Variants in BICC1 observed in about 807,000 individuals in gnomAD.
BICC1 encodes the protein BicC family RNA binding protein 1, also known as protein bicaudal C homolog 1.
BICC1 carries 43 observed loss-of-function variants against 111.0 expected under a neutral mutation model. That is an observed-to-expected ratio of 0.39 (90% CI 0.30 to 0.50). The LOEUF (loss-of-function observed/expected upper bound fraction) is 0.50, where lower values mean the gene tolerates loss of function less well. Ranked by LOEUF, BICC1 falls within the 20% of genes least tolerant of loss-of-function variation. The pLI, the probability that BICC1 is intolerant of heterozygous loss-of-function variation, is 0.88. For missense variants in BICC1, 1,091 were observed against 1,203.2 expected (o/e 0.91, Z 1.38); for synonymous variants, 467 against 434.4 (o/e 1.07, Z -0.93).
chr10:58,710,375 A>G (rs1288305934), intron 3 of BICC1, among the ~76,000 whole-genome samples: 5 of 152,144 alleles, frequency 3.3e-5, no homozygotes, highest in Admixed American at 6.5e-5. Flanking sequence ...TTCAGCAACC[A>G]TTGCCAAGAT....
intron 3 of BICC1, among the ~76,000 whole-genome samples, chr10:58,743,313 A>C (rs1203856933): frequency 6.6e-6 from 1 of 152,084 alleles, no homozygotes; most frequent in Non-Finnish European, 1.5e-5. Context: ...TCTCATCAAT[A>C]CCAGTCTGGC....
chr10:58,528,530 C>G (rs528482107), intron 1 of BICC1, among the ~76,000 whole-genome samples: 1 of 151,858 alleles, frequency 6.6e-6, no homozygotes. Context: ...GATTTCAAAT[C>G]TTCTCAGATA....
At position 58,577,159 on chromosome 10, in the gene BICC1, A is replaced by G. The variant is rs556029830; in HGVS notation, c.191-43696A>G. 1.6e-4 allele frequency among the ~76,000 whole-genome samples: 24 copies of G among 152,280 alleles called. No individual in the cohort carries two copies. The South Asian group carries it at 4.8e-3, about 30-fold the overall frequency. On this transcript the variant is annotated intron_variant, in intron 1 of 20. Coordinates refer to ENST00000373886, the MANE Select transcript of BICC1 (RefSeq NM_001080512.3). The stretch of plus-strand genomic sequence containing the variant: ...TGCTGGGTTTCCCTGAGCACTTACC[A>G]TTCAGTGGGTGCCTACCATGTGCTA...
At chr10:58,794,165 TTG>T (rs71006206) in intron 9 of BICC1, among the ~76,000 whole-genome samples, 24,354 of 138,038 alleles carry the variant, frequency 0.18, 2,077 homozygotes, top group Non-Finnish European at 0.21. Context: ...CTTACATGTT[TTG>T]TGTGTGTGTG....
intron 2 of BICC1, among the ~76,000 whole-genome samples, chr10:58,672,847 G>GA (rs1462353964): frequency 2.7e-4 from 41 of 152,198 alleles, no homozygotes; most frequent in Non-Finnish European, 5.6e-4. Flanking sequence ...TATATTGAGG[G>GA]AATTTGAATT....
intron 18 of BICC1, 125 bp downstream of exon 18, chr10:58,814,111 C>G (rs753403680): frequency 1.4e-5 from 15 of 1,098,084 alleles, no homozygotes; most frequent in Non-Finnish European, 1.7e-5. Flanking sequence ...CATGCCATCT[C>G]CTCTGTGAAG....
At chr10:58,674,834 A>T (rs775583926) in intron 2 of BICC1, among the ~76,000 whole-genome samples, 2 of 152,192 alleles carry the variant, frequency 1.3e-5, no homozygotes, top group East Asian at 3.8e-4. Context: ...GTGGCTAGTT[A>T]TAAGTAGGGA....
At chr10:58,751,711 A>T (rs1841995955) in intron 3 of BICC1, among the ~76,000 whole-genome samples, 1 of 152,138 alleles carries the variant, frequency 6.6e-6, no homozygotes, top group Admixed American at 6.5e-5. Context: ...TTTATATTTT[A>T]ATTTTTTCTT....
At chr10:58,737,888 T>C (rs1841524479) in intron 3 of BICC1, among the ~76,000 whole-genome samples, 1 of 152,224 alleles carries the variant, frequency 6.6e-6, no homozygotes, top group Non-Finnish European at 1.5e-5. Context: ...AATGTCTTCT[T>C]TTGAGAAGTG....
At chr10:58,626,931 C>G (rs960823062) in intron 2 of BICC1, among the ~76,000 whole-genome samples, 4 of 152,198 alleles carry the variant, frequency 2.6e-5, no homozygotes, top group South Asian at 2.1e-4. Context: ...ATGGAGAAAC[C>G]CCGTCTCTGA....
chr10:58,618,775 T>C (rs1845703208), intron 1 of BICC1, among the ~76,000 whole-genome samples: 1 of 152,230 alleles, frequency 6.6e-6, no homozygotes, highest in Non-Finnish European at 1.5e-5. Context: ...GTTGCCACAG[T>C]GTAGTAGCTT....
At position 58,701,932 on chromosome 10, in the gene BICC1, T is replaced by A. The variant is rs568970074; in HGVS notation, c.238-142T>A. ...TCTTTTCCCCCCAGGGTTTTTTTTT[T>A]CTTTGCATTGTTTTCAAATGAGATC... On this transcript the variant is annotated intron_variant, in intron 2 of 20. Coordinates refer to ENST00000373886, the MANE Select transcript of BICC1 (RefSeq NM_001080512.3). The A allele has an allele frequency of 1.1e-5, 6 of 563,998 alleles. No homozygotes were observed. The East Asian group carries it at 1.9e-4, about 18-fold the overall frequency. The allele number at this position is 563,998 out of a possible 1,614,324, so 34.9% of individuals were successfully genotyped here.
At chr10:58,521,341 G>A (rs1001853096) in intron 1 of BICC1, among the ~76,000 whole-genome samples, 3 of 152,102 alleles carry the variant, frequency 2.0e-5, no homozygotes, top group Non-Finnish European at 4.4e-5. Flanking sequence ...ACAAGTGCCA[G>A]GTGCGGAGCA....
chr10:58,567,158 A>T (rs1356432809), intron 1 of BICC1, among the ~76,000 whole-genome samples: 4 of 152,120 alleles, frequency 2.6e-5, no homozygotes, highest in Non-Finnish European at 1.5e-5. Context: ...AGGTGGGGAA[A>T]AAGTGTTTTA....
intron 1 of BICC1, among the ~76,000 whole-genome samples, chr10:58,556,080 G>T (rs557404003): frequency 1.1e-4 from 17 of 152,148 alleles, no homozygotes; most frequent in African/African-American, 4.1e-4. Context: ...GAGTGTTGGG[G>T]GATAGTTAAT....
At chr10:58,697,216 G>C (rs1411772987) in intron 2 of BICC1, among the ~76,000 whole-genome samples, 1 of 152,104 alleles carries the variant, frequency 6.6e-6, no homozygotes, top group Non-Finnish European at 1.5e-5. Context: ...CATATCACAT[G>C]TTTCTTGGAA....
At chr10:58,571,857 G>C (rs1004285174) in intron 1 of BICC1, among the ~76,000 whole-genome samples, 2 of 152,048 alleles carry the variant, frequency 1.3e-5, no homozygotes, top group African/African-American at 4.8e-5. Context: ...ATAAAGAAAT[G>C]GGATTATTGT....
chr10:58,633,342 C>T (rs1384592207), intron 2 of BICC1, among the ~76,000 whole-genome samples: 1 of 152,210 alleles, frequency 6.6e-6, no homozygotes. Flanking sequence ...ATACAATTGT[C>T]TACTCAAAGA....
At chr10:58,616,837 C>T (rs958748599) in intron 1 of BICC1, among the ~76,000 whole-genome samples, 1 of 152,236 alleles carries the variant, frequency 6.6e-6, no homozygotes, top group African/African-American at 2.4e-5. Flanking sequence ...ATGTGCATAG[C>T]CCCACCATAT....
Sources: allele counts gnomAD v4.1 joint callset (sites outside exome capture counted in the v4.1 genomes callset), GRCh38; gene constraint gnomAD v4.1.1; transcripts MANE v1.5; gene names NCBI Gene and HGNC (gene_info 2026-07-23, HGNC 2026-07-21).